Variants in GANC observed in about 807,000 individuals in gnomAD.
The protein encoded by GANC is glucosidase alpha, neutral C.
In GANC, 117 loss-of-function variants were observed where a neutral mutation model predicts 124.2. That is an observed-to-expected ratio of 0.94 (90% CI 0.81 to 1.10). The LOEUF is 1.10. GANC is among the 50% of genes least tolerant of loss of function. GANC has a pLI of 0.00. For missense variants in GANC, 1,140 were observed against 1,095.0 expected, an observed-to-expected ratio of 1.04 and a Z score of -0.58; for synonymous variants, 377 against 376.8, an observed-to-expected ratio of 1.00 and a Z score of -0.01.
In GANC at chr15:42,278,491, A is replaced by C. The variant is rs761447831; in HGVS notation, c.102A>C (p.Lys34Asn). ...CNKIAFYRRQ[K>N]QWLSKKSTYQ... The stretch of plus-strand genomic sequence containing the variant: ...TACTCCGTATCTATAGGCGTCAGAA[A>C]CAGTGGCTTTCCAAGAAGTCCACCT... The change falls in exon 3 of 24, where the codon AAA becomes AAC. Residue 34 changes from lysine to asparagine, a missense_variant. Coordinates refer to ENST00000318010, the MANE Select transcript of GANC (RefSeq NM_198141.3). 6.8e-6 allele frequency: 11 copies of C among 1,608,960 alleles called. No homozygotes were observed. In the Admixed American group the frequency reaches 1.9e-4, roughly 27 times the overall value.
At position 42,287,769 on chromosome 15, in the gene GANC, C is replaced by A. The variant is rs766817521; in HGVS notation, c.280C>A (p.Pro94Thr). The change falls in exon 4 of 24, where the codon CCC (proline) becomes ACC (threonine). Residue 94 changes from proline (P) to threonine (T), a missense_variant. Coordinates refer to ENST00000318010, the MANE Select transcript of GANC (RefSeq NM_198141.3). ...AATTAATGAAGAGACTCCTCTAAAA[C>A]CCAGATTTGAAGTTCCGGATGTCCT... ...LKINEETPLK[P>T]RFEVPDVLTS... 1 of 1,613,260 alleles carries A rather than the reference C, an allele frequency of 6.2e-7. No homozygotes were observed. The highest frequency in any genetic ancestry group is 2.2e-5 in the East Asian group (1 of 44,850).
rs2051850196 is a variant in GANC, at chr15:42,292,588, A to G, written c.330-147A>G. The G allele has an allele frequency of 7.2e-6, 5 of 695,634 alleles. No homozygotes were observed. The South Asian group carries it at 9.6e-5, about 13-fold the overall frequency. 43.1% of individuals were successfully genotyped at this position (695,634 alleles called of 1,614,324 possible). On this transcript the variant is annotated intron_variant, in intron 4 of 23. Coordinates refer to ENST00000318010, the MANE Select transcript of GANC (RefSeq NM_198141.3). ...TTTAAGCTCTTTGGCATCAAAGCCA[A>G]TGCTCTCATTAACTTTTCTCTGTTG...
In GANC at chr15:42,352,442, G is replaced by A. The variant is rs560991771; in HGVS notation, c.*303G>A. 3.1e-5 allele frequency: 34 copies of A among 1,107,796 alleles called. No homozygotes were observed. The highest frequency in any genetic ancestry group is 1.9e-4 in the East Asian group (3 of 15,754). 68.6% of individuals were successfully genotyped at this position (1,107,796 alleles called of 1,614,324 possible). ...GCTTCCATTCCTTCAGCAGGGCTGC[G>A]TGGGTCTGTTTTAACGTGGGCCAAG... On this transcript the variant is annotated 3_prime_UTR_variant, in exon 24 of 24. Transcript: ENST00000318010.
intron 3 of GANC, chr15:42,280,992 C>T: frequency 1.4e-6 from 1 of 702,536 alleles, no homozygotes; most frequent in Non-Finnish European, 2.6e-6. Flanking sequence ...GGAGGAGACA[C>T]AGGATCTCAG....
chr15:42,278,676 C>A, intron 3 of GANC, 86 bp downstream of exon 3: 2 of 897,618 alleles, frequency 2.2e-6, no homozygotes, highest in Non-Finnish European at 3.4e-6. Context: ...ATGTATGCTT[C>A]AAAAATAAAC....
intron 15 of GANC, among the ~76,000 whole-genome samples, chr15:42,338,058 C>T (rs1401291674): frequency 2.0e-5 from 3 of 148,806 alleles, no homozygotes; most frequent in Non-Finnish European, 4.5e-5. Context: ...AACATGACTC[C>T]ATCTAAAAAA....
chr15:42,331,003 T>C (rs947179590), intron 15 of GANC, among the ~76,000 whole-genome samples: 2 of 152,062 alleles, frequency 1.3e-5, no homozygotes, highest in Admixed American at 1.3e-4. Flanking sequence ...TTCACCATGT[T>C]GCCCAGGCTA....
At chr15:42,338,053 G>T (rs2052296864) in intron 15 of GANC, among the ~76,000 whole-genome samples, 1 of 150,544 alleles carries the variant, frequency 6.6e-6, no homozygotes, top group Non-Finnish European at 1.5e-5. Flanking sequence ...GTGAGAACAT[G>T]ACTCCATCTA....
At position 42,338,454 on chromosome 15, in the gene GANC, C is replaced by T. The variant is rs1459199116; in HGVS notation, c.1807C>T (p.Leu603Phe). The change falls in exon 16 of 24, where the codon CTC becomes TTC. Residue 603 changes from leucine (L) to phenylalanine (F), a missense_variant. Physicochemically the swap from Leu to Phe is conservative, Grantham distance 22. Coordinates refer to ENST00000318010, the MANE Select transcript of GANC (RefSeq NM_198141.3). ...SNLKISIPML[L>F]TLSITGISFC... The stretch of plus-strand genomic sequence containing the variant: ...CTTGAAAATTTCTATCCCAATGTTA[C>T]TCACTCTCAGCATTACTGGGATCTC... 1 of 1,613,890 alleles carries T rather than the reference C, an allele frequency of 6.2e-7. No homozygotes were observed. The highest frequency in any genetic ancestry group is 1.3e-5 in the African/African-American group (1 of 74,928).
In GANC at chr15:42,308,447, A is replaced by G. The variant is rs1437134142; in HGVS notation, c.722+129A>G. 5.3e-6 allele frequency: 3 copies of G among 571,118 alleles called. No individual in the cohort carries two copies. The Admixed American group carries it at 7.9e-5, about 15-fold the overall frequency. 35.4% of individuals were successfully genotyped at this position (571,118 alleles called of 1,614,324 possible). A position where few individuals can be genotyped will look rare whatever the true frequency, so the allele number is the denominator to read the frequency against. ...TTTTCCTCCTTTATATTGCTTGTGG[A>G]TCTTTAAGAACCCTCCTTGAATGAT... On this transcript the variant is annotated intron_variant, in intron 8 of 23. Coordinates refer to ENST00000318010, the MANE Select transcript of GANC (RefSeq NM_198141.3).
Position 42,339,808 on chromosome 15 carries a change from A to G in GANC, c.1983A>G (p.Glu661=), listed in dbSNP as rs375863888. The G allele has an allele frequency of 1.9e-6, 3 of 1,613,980 alleles. No individual in the cohort carries two copies. In the African/African-American group the frequency reaches 4.0e-5, roughly 22 times the overall value. ...GAGAGCCCTGGCTCTTTGGGGAGGA[A>G]CACACCCGACTCATCCGAGAAGCCA... ...KRREPWLFGE[E]HTRLIREAIR... The change falls in exon 17 of 24, where the codon GAA becomes GAG. Residue 661 remains glutamate, a synonymous_variant. Transcript: ENST00000318010.
chr15:42,286,151 A>G (rs1421229990), intron 3 of GANC, among the ~76,000 whole-genome samples: 1 of 152,040 alleles, frequency 6.6e-6, no homozygotes. Flanking sequence ...ATTTTTGCCT[A>G]CTCAAAGTCT....
intron 3 of GANC, chr15:42,284,086 G>A (rs2051762468): frequency 1.2e-5 from 8 of 673,124 alleles, no homozygotes; most frequent in African/African-American, 7.1e-5. Flanking sequence ...TGTCTTTTAG[G>A]TTAACAGTTC....
chr15:42,340,562 C>A, intron 17 of GANC, 128 bp from the exon 18 acceptor site: 1 of 688,656 alleles, frequency 1.5e-6, no homozygotes, highest in Non-Finnish European at 2.4e-6. Flanking sequence ...CAAGATAGCA[C>A]CACGGCATTC....
In GANC at chr15:42,276,376, A is replaced by G. The variant is rs745353268; in HGVS notation, c.58A>G (p.Ile20Val). Reference sequence around the variant, plus strand: ...TGAAGATGAAGCTGTAGATAAAAACATTTTCAGAGACTGTAACAAGATCGC... The same window carrying G: ...TGAAGATGAAGCTGTAGATAAAAACGTTTTCAGAGACTGTAACAAGATCGC... ...SLEDEAVDKN[I>V]FRDCNKIAFY... is the part of the protein sequence containing the mutation. Residue 20 changes from isoleucine (I) to valine (V), a missense_variant, in exon 2 of 24, where the codon ATT becomes GTT. Transcript: ENST00000318010. 1 of 1,453,996 alleles carries G rather than the reference A, an allele frequency of 6.9e-7. No homozygotes were observed. The highest frequency in any genetic ancestry group is 9.6e-7 in the Non-Finnish European group (1 of 1,037,064). 90.1% of individuals were successfully genotyped at this position (1,453,996 alleles called of 1,614,324 possible). A position where few individuals can be genotyped will look rare whatever the true frequency, so the allele number is the denominator to read the frequency against.
At chr15:42,293,745 G>A (rs1032511368) in intron 5 of GANC, among the ~76,000 whole-genome samples, 1 of 151,606 alleles carries the variant, frequency 6.6e-6, no homozygotes, top group Non-Finnish European at 1.5e-5. Context: ...CACTACTCAT[G>A]TTCTTTATAT....
In GANC at chr15:42,278,535, C is replaced by G. The variant is rs774469471; in HGVS notation, c.146C>G (p.Ser49Ter). 1 of 1,613,002 alleles carries G rather than the reference C, an allele frequency of 6.2e-7. No individual in the cohort carries two copies. Residue 49 changes from serine to a stop codon, truncating the protein, a stop_gained, in exon 3 of 24, where the codon TCA becomes TGA. Transcript: ENST00000318010. LOFTEE classifies it high-confidence loss of function. Reference protein sequence around the residue: ...KKSTYQALLDSVTTDEDSTRF... With the variant: ...KKSTYQALLD The stretch of plus-strand genomic sequence containing the variant: ...TCCACCTATCAGGCATTATTGGATT[C>G]AGTCACAACAGATGAAGACAGCACC...
chr15:42,275,360 C>T (rs998519970), intron 1 of GANC, among the ~76,000 whole-genome samples: 3 of 152,080 alleles, frequency 2.0e-5, no homozygotes, highest in Non-Finnish European at 4.4e-5. Context: ...GGAGGCAGAG[C>T]GAGATCCTGT....
intron 10 of GANC, among the ~76,000 whole-genome samples, chr15:42,319,297 A>G (rs139578628): frequency 3.0e-4 from 45 of 152,182 alleles, no homozygotes; most frequent in African/African-American, 1.0e-3. Flanking sequence ...CAGTCAGACA[A>G]ACTCATGATC....
Sources: allele counts gnomAD v4.1 joint callset (sites outside exome capture counted in the v4.1 genomes callset), GRCh38; gene constraint gnomAD v4.1.1; transcripts MANE v1.5; gene names NCBI Gene and HGNC (gene_info 2026-07-23, HGNC 2026-07-21).